Variants in FANK1 observed in about 807,000 individuals in gnomAD.
The protein encoded by FANK1 is fibronectin type III and ankyrin repeat domains 1.
A neutral mutation model predicts 45.3 loss-of-function variants in FANK1; 44 were observed. That is an observed-to-expected ratio of 0.97 (90% CI 0.76 to 1.25). FANK1 has a LOEUF of 1.25. FANK1 is among the 50% of genes most tolerant of loss of function. The pLI is 0.00. For missense variants in FANK1, 391 were observed against 424.4 expected (o/e 0.92, Z 0.69); for synonymous variants, 149 against 152.5 (o/e 0.98, Z 0.17).
chr10:125,976,483 T>C (rs1457887381), intron 1 of FANK1, among the ~76,000 whole-genome samples: 12 of 152,238 alleles, frequency 7.9e-5, no homozygotes, highest in Non-Finnish European at 1.8e-4. Flanking sequence ...CATAATCCAT[T>C]CTTCTCTGAG....
At chr10:125,971,200 G>C (rs1239945466) in intron 1 of FANK1, among the ~76,000 whole-genome samples, 2 of 152,060 alleles carry the variant, frequency 1.3e-5, no homozygotes, top group Non-Finnish European at 2.9e-5. Context: ...TTTCCCTCCT[G>C]TTGATGCAAC....
At chr10:126,004,743 C>T (rs927099040) in intron 6 of FANK1, 141 bp from the exon 7 acceptor site, 13 of 731,348 alleles carry the variant, frequency 1.8e-5, no homozygotes, top group African/African-American at 1.0e-4. Context: ...TTGATGGATA[C>T]GTGTACGTTT....
chr10:125,973,192 ACTC>A (rs1950628931), intron 1 of FANK1: 1 of 152,542 alleles, frequency 6.6e-6, no homozygotes, highest in Non-Finnish European at 1.5e-5. Context: ...TTATCTTTTT[ACTC>A]CTCATATAAC....
chr10:125,929,480 C>G (rs1947606770), intron 1 of FANK1, among the ~76,000 whole-genome samples: 1 of 152,196 alleles, frequency 6.6e-6, no homozygotes, highest in Admixed American at 6.5e-5. Flanking sequence ...GGAGAAAGCA[C>G]TGCCTGTATT....
chr10:125,896,905 C>G (rs988945820), intron 1 of FANK1, among the ~76,000 whole-genome samples: 1 of 152,090 alleles, frequency 6.6e-6, no homozygotes, highest in Non-Finnish European at 1.5e-5. Context: ...TGGAGAGCCC[C>G]GAGGTATGGG....
intron 1 of FANK1, among the ~76,000 whole-genome samples, chr10:125,917,782 A>G: frequency 6.6e-6 from 1 of 152,310 alleles, no homozygotes; most frequent in Non-Finnish European, 1.5e-5. Flanking sequence ...TAAAATTCAC[A>G]GAAACAAAGT....
At chr10:125,912,443 AG>A (rs1387092182) in intron 1 of FANK1, among the ~76,000 whole-genome samples, 3 of 147,192 alleles carry the variant, frequency 2.0e-5, no homozygotes, top group Admixed American at 1.4e-4. Context: ...GCACCACCAA[AG>A]TGTGTGTGTG....
At chr10:126,008,659 TTGAC>T in intron 8 of FANK1, 109 bp downstream of exon 8, 1 of 1,310,974 alleles carries the variant, frequency 7.6e-7, no homozygotes, top group Non-Finnish European at 1.0e-6. Context: ...GCCCTTGGGT[TTGAC>T]TGTGTGTGTG....
chr10:125,930,598 A>G (rs1289360517), intron 1 of FANK1, among the ~76,000 whole-genome samples: 1 of 151,592 alleles, frequency 6.6e-6, no homozygotes, highest in Non-Finnish European at 1.5e-5. Context: ...TGACCTCCAG[A>G]AGTTCTGGGA....
chr10:125,986,823 A>G (rs1951591490), intron 2 of FANK1, among the ~76,000 whole-genome samples: 1 of 152,084 alleles, frequency 6.6e-6, no homozygotes, highest in African/African-American at 2.4e-5. Context: ...TACTTGTTTG[A>G]TGGATGAATT....
intron 1 of FANK1, among the ~76,000 whole-genome samples, chr10:125,906,171 A>G (rs926457621): frequency 1.3e-5 from 2 of 152,198 alleles, no homozygotes; most frequent in African/African-American, 4.8e-5. Flanking sequence ...GCCCTATTCA[A>G]AGAAATGAGT....
chr10:125,955,371 C>G (rs35799727), intron 1 of FANK1, among the ~76,000 whole-genome samples: 49,609 of 151,940 alleles, frequency 0.33, 8,409 homozygotes, highest in East Asian at 0.46. Context: ...TTCTGTTCCT[C>G]CATTAGTTTG....
At position 125,952,169 on chromosome 10, in the gene FANK1, T is replaced by G. The variant is rs545275459; in HGVS notation, c.14-27992T>G. Among the ~76,000 whole-genome samples the G allele has an allele frequency of 5.3e-5, 8 of 152,322 alleles. No homozygotes were observed. The South Asian group carries it at 1.7e-3, about 32-fold the overall frequency. On this transcript the variant is annotated intron_variant, in intron 1 of 10. Transcript: ENST00000368693. ...TTTGTGTCCTACAAACCCAGGAATT[T>G]TCACAAATTTTATTTCATGTGATTT...
intron 1 of FANK1, among the ~76,000 whole-genome samples, chr10:125,900,295 T>C (rs564338663): frequency 6.6e-6 from 1 of 152,306 alleles, no homozygotes; most frequent in East Asian, 1.9e-4. Context: ...GAAAGATAGC[T>C]CATGTATAAA....
intron 1 of FANK1, among the ~76,000 whole-genome samples, chr10:125,940,661 G>A (rs187316017): frequency 2.0e-5 from 3 of 152,240 alleles, no homozygotes; most frequent in African/African-American, 4.8e-5. Flanking sequence ...ATCATTTACA[G>A]GTGTCGGGCT....
intron 3 of FANK1, among the ~76,000 whole-genome samples, chr10:125,991,574 C>T (rs1206522924): frequency 2.0e-5 from 3 of 152,116 alleles, no homozygotes; most frequent in Non-Finnish European, 4.4e-5. Context: ...AATTTGCATT[C>T]AGTTTGAGAG....
chr10:125,921,487 T>C (rs1946941559), intron 1 of FANK1, among the ~76,000 whole-genome samples: 1 of 152,004 alleles, frequency 6.6e-6, no homozygotes, highest in Non-Finnish European at 1.5e-5. Flanking sequence ...ATTCACAAAG[T>C]GCTTTTTGTC....
chr10:125,917,779 C>T (rs1371934815), intron 1 of FANK1, among the ~76,000 whole-genome samples: 2 of 152,302 alleles, frequency 1.3e-5, no homozygotes, highest in South Asian at 2.1e-4. Context: ...CAGTAAAATT[C>T]ACAGAAACAA....
At chr10:125,988,788 A>G in intron 3 of FANK1, 113 bp downstream of exon 3, 1 of 1,528,244 alleles carries the variant, frequency 6.5e-7, no homozygotes, top group South Asian at 1.1e-5. Context: ...GAAATGATAC[A>G]ATTTTTAAAC....
Sources: gnomAD v4.1 joint callset for allele counts (sites outside exome capture counted in the v4.1 genomes callset) on GRCh38, gnomAD v4.1.1 for gene constraint, MANE v1.5 for transcripts, NCBI Gene and HGNC (gene_info 2026-07-23, HGNC 2026-07-21) for gene names.